VPS13B: variants seen among roughly 807,000 people sequenced by gnomAD.
VPS13B encodes the protein vacuolar protein sorting 13 homolog B, also known as intermembrane lipid transfer protein VPS13B.
VPS13B carries 285 observed loss-of-function variants against 426.4 expected under a neutral mutation model. The ratio of observed to expected loss-of-function variants is 0.67; its 90% CI spans 0.61 to 0.74. The LOEUF (loss-of-function observed/expected upper bound fraction) is 0.74, where lower values mean the gene tolerates loss of function less well. VPS13B is among the 30% of genes least tolerant of loss of function. VPS13B has a pLI of 0.00. For missense variants in VPS13B, 4,537 were observed against 4,782.6 expected (o/e 0.95, Z 1.51); for synonymous variants, 1,676 against 1,676.4 (o/e 1.00, Z 0.01).
chr8:99,279,600 C>G (rs1819066079), intron 19 of VPS13B, among the ~76,000 whole-genome samples: 1 of 152,054 alleles, frequency 6.6e-6, no homozygotes, highest in Non-Finnish European at 1.5e-5. Flanking sequence ...TCTTCTTATG[C>G]TATATTTTGC....
intron 21 of VPS13B, among the ~76,000 whole-genome samples, chr8:99,409,773 C>T (rs1316171078): frequency 6.6e-6 from 1 of 152,156 alleles, no homozygotes; most frequent in Non-Finnish European, 1.5e-5. Flanking sequence ...ATAGATTCAA[C>T]TTACAATTCT....
chr8:99,682,769 A>G lies in VPS13B; in HGVS notation c.6047-16756A>G, dbSNP rs772321419. On this transcript the variant is annotated intron_variant, in intron 35 of 61. Coordinates refer to ENST00000357162, the MANE Select transcript of VPS13B (RefSeq NM_152564.5). ...CCTGGCTATCCGCCTGTGTTCACTC[A>G]AGGTCCTAGGGCTCTATAACCTGCC... Among the ~76,000 whole-genome samples the G allele has an allele frequency of 2.0e-5, 3 of 152,116 alleles. No homozygotes were observed. In the East Asian group the frequency reaches 5.8e-4, roughly 29 times the overall value.
intron 40 of VPS13B, among the ~76,000 whole-genome samples, chr8:99,771,801 G>C (rs987853788): frequency 6.6e-6 from 1 of 152,134 alleles, no homozygotes; most frequent in Admixed American, 6.5e-5. Context: ...AATTCATTTA[G>C]TGTTATAAGC....
At chr8:99,536,865 T>A (rs1351282508) in intron 30 of VPS13B, 2 of 480,542 alleles carry the variant, frequency 4.2e-6, no homozygotes, top group Non-Finnish European at 8.7e-6. Context: ...CCACTAAACT[T>A]TAAGAATTTT....
At chr8:99,121,548 A>G in intron 8 of VPS13B, 103 bp downstream of exon 8, 4 of 1,547,836 alleles carry the variant, frequency 2.6e-6, no homozygotes, top group Non-Finnish European at 3.5e-6. Flanking sequence ...TGCATTCAGT[A>G]GATGTGAGAT....
At chr8:99,273,156 G>T (rs1818687279) in intron 17 of VPS13B, among the ~76,000 whole-genome samples, 1 of 148,862 alleles carries the variant, frequency 6.7e-6, no homozygotes. Context: ...GTTTACTCAG[G>T]TAGTTTTTTT....
chr8:99,409,890 G>A (rs1444686404), intron 21 of VPS13B, among the ~76,000 whole-genome samples: 2 of 152,046 alleles, frequency 1.3e-5, no homozygotes, highest in African/African-American at 2.4e-5. Context: ...TATCCTTTGT[G>A]TTAATATAAG....
intron 25 of VPS13B, among the ~76,000 whole-genome samples, chr8:99,494,371 A>T (rs1311333005): frequency 6.6e-6 from 1 of 151,886 alleles, no homozygotes; most frequent in Non-Finnish European, 1.5e-5. Context: ...TGTCATCTTA[A>T]TTTTTTTTAA....
rs1460052962 is a variant in VPS13B, at chr8:99,717,304, C to T, written c.6588C>T (p.His2196=). Residue 2196 remains histidine (H), a synonymous_variant, in exon 37 of 62, where the codon CAC becomes CAT. Transcript: ENST00000357162. ...TANLEAKWCK[H]SGNPGPEQSI... ...ATCTGGAAGCTAAGTGGTGTAAACA[C>T]AGCGGGAATCCAGGCCCAGAACAAT... 6.2e-6 allele frequency: 10 copies of T among 1,613,894 alleles called. No individual in the cohort carries two copies. Among genetic ancestry groups the T allele is most frequent in the African/African-American group, 1.3e-5 (1 of 74,902 alleles).
chr8:99,847,388 G>T (rs1405815333), intron 54 of VPS13B, among the ~76,000 whole-genome samples: 1 of 152,198 alleles, frequency 6.6e-6, no homozygotes, highest in Non-Finnish European at 1.5e-5. Flanking sequence ...GTTTTAGAAT[G>T]TAGAAGTAGG....
chr8:99,019,280 C>T (rs1434368077), intron 2 of VPS13B, among the ~76,000 whole-genome samples: 51 of 148,542 alleles, frequency 3.4e-4, no homozygotes. Context: ...GATCTTGGCT[C>T]ACTGCAACCT....
chr8:99,425,766 C>T (rs1043576387), intron 21 of VPS13B, among the ~76,000 whole-genome samples: 53 of 152,260 alleles, frequency 3.5e-4, no homozygotes, highest in African/African-American at 1.2e-3. Context: ...CAAATTGTCC[C>T]TGTTTGCAGA....
chr8:99,669,495 G>A (rs566108242), intron 35 of VPS13B, among the ~76,000 whole-genome samples: 2 of 152,162 alleles, frequency 1.3e-5, no homozygotes, highest in Non-Finnish European at 2.9e-5. Flanking sequence ...AGTCATTTAT[G>A]TTTTATTATA....
At chr8:99,847,086 A>C (rs1378420544) in intron 54 of VPS13B, among the ~76,000 whole-genome samples, 1 of 152,138 alleles carries the variant, frequency 6.6e-6, no homozygotes, top group Non-Finnish European at 1.5e-5. Flanking sequence ...TTTGTTTTAG[A>C]TTCATGAGCT....
At chr8:99,713,877 C>T (rs903145917) in intron 36 of VPS13B, among the ~76,000 whole-genome samples, 6 of 152,164 alleles carry the variant, frequency 3.9e-5, no homozygotes, top group East Asian at 1.9e-4. Flanking sequence ...CAGTGGCTCA[C>T]GCCTGTAATC....
chr8:99,179,686 A>AGC (rs1812840714), intron 16 of VPS13B, among the ~76,000 whole-genome samples: 1 of 152,192 alleles, frequency 6.6e-6, no homozygotes, highest in Non-Finnish European at 1.5e-5. Flanking sequence ...ATTATTTAAT[A>AGC]GCCTTTCCCA....
At chr8:99,296,347 A>G (rs111982351) in intron 19 of VPS13B, among the ~76,000 whole-genome samples, 225 of 152,270 alleles carry the variant, frequency 1.5e-3, no homozygotes, top group African/African-American at 5.1e-3. Context: ...AATAAGGATA[A>G]TATCTATGTA....
chr8:99,359,675 A>G (rs1206954137), intron 19 of VPS13B, among the ~76,000 whole-genome samples: 1 of 152,260 alleles, frequency 6.6e-6, no homozygotes, highest in Non-Finnish European at 1.5e-5. Context: ...GTAGAGTTAA[A>G]TAGAATTAGC....
intron 39 of VPS13B, among the ~76,000 whole-genome samples, chr8:99,742,915 C>T (rs1809832352): frequency 6.6e-6 from 1 of 152,124 alleles, no homozygotes; most frequent in Non-Finnish European, 1.5e-5. Flanking sequence ...AAAACTGGCA[C>T]AAGACAGGGA....
Sources: allele counts gnomAD v4.1 joint callset (sites outside exome capture counted in the v4.1 genomes callset), GRCh38; gene constraint gnomAD v4.1.1; transcripts MANE v1.5; gene names NCBI Gene and HGNC (gene_info 2026-07-23, HGNC 2026-07-21).